Variants in ACOT13 observed in about 807,000 individuals in gnomAD.
ACOT13 encodes the protein acyl-coenzyme A thioesterase 13.
ACOT13 carries 10 observed loss-of-function variants against 11.8 expected under a neutral mutation model. That is an observed-to-expected ratio of 0.85 (90% CI 0.53 to 1.44). The LOEUF is 1.44. Ranked by LOEUF, ACOT13 falls within the 40% of genes most tolerant of loss-of-function variation. The pLI is 0.00. For synonymous variants in ACOT13, 53 were observed against 61.0 expected (o/e 0.87, Z 0.61); for missense variants, 172 against 174.1 (o/e 0.99, Z 0.07).
intron 2 of ACOT13, among the ~76,000 whole-genome samples, chr6:24,700,497 G>A (rs1052976438): frequency 7.7e-5 from 11 of 143,414 alleles, no homozygotes; most frequent in Non-Finnish European, 1.2e-4. Context: ...GTCCAGTGGC[G>A]CGATCTCGGC....
intron 1 of ACOT13, among the ~76,000 whole-genome samples, chr6:24,678,331 A>G (rs1582436257): frequency 6.6e-6 from 1 of 152,278 alleles, no homozygotes; most frequent in Admixed American, 6.5e-5. Flanking sequence ...GGTATAGAGG[A>G]AGAACAGCCT....
intron 1 of ACOT13, among the ~76,000 whole-genome samples, chr6:24,680,999 C>T (rs374798628): frequency 6.6e-6 from 1 of 152,130 alleles, no homozygotes; most frequent in Non-Finnish European, 1.5e-5. Context: ...AACCATCTAT[C>T]GTCCTGTCCT....
In ACOT13 at chr6:24,704,016, G is replaced by A. The variant is rs1400172645; in HGVS notation, c.*2401G>A. Reference sequence around the variant, plus strand: ...GAGAACAACTAAATTCAATGATCCTGTACTCTAGAGGGGGGGATCTAAAAC... The same window carrying A: ...GAGAACAACTAAATTCAATGATCCTATACTCTAGAGGGGGGGATCTAAAAC... On this transcript the variant is annotated 3_prime_UTR_variant, in exon 3 of 3. Coordinates refer to ENST00000230048, the MANE Select transcript of ACOT13 (RefSeq NM_018473.4). 1 of 152,166 alleles carries A rather than the reference G, an allele frequency of 6.6e-6. No individual in the cohort carries two copies. The highest frequency in any genetic ancestry group is 1.5e-5 in the Non-Finnish European group (1 of 68,032). The allele number at this position is 152,166 out of a possible 1,614,324, so 9.4% of individuals were successfully genotyped here.
intron 2 of ACOT13, among the ~76,000 whole-genome samples, chr6:24,699,666 G>A (rs1778862339): frequency 6.6e-6 from 1 of 152,178 alleles, no homozygotes; most frequent in African/African-American, 2.4e-5. Flanking sequence ...GAAAAGAAAG[G>A]CTCTGCTTAT....
intron 1 of ACOT13, among the ~76,000 whole-genome samples, chr6:24,674,875 T>TC (rs1195097410): frequency 1.5e-5 from 1 of 68,070 alleles, no homozygotes; most frequent in Non-Finnish European, 2.8e-5. Flanking sequence ...ATGCTATCCC[T>TC]CCCCCCTCCC....
chr6:24,681,118 A>G (rs889383000), intron 1 of ACOT13, among the ~76,000 whole-genome samples: 1 of 152,242 alleles, frequency 6.6e-6, no homozygotes, highest in African/African-American at 2.4e-5. Flanking sequence ...TTGGAGTTAC[A>G]TTACCCTTTT....
rs943438317 is a variant in ACOT13 at position 24,672,940 on chromosome 6, T to C, written c.81+5596T>C. 3.3e-5 allele frequency among the ~76,000 whole-genome samples: 5 copies of C among 152,324 alleles called. 1 individual carries two copies. The highest frequency in any genetic ancestry group is 4.1e-4 in the South Asian group (2 of 4,822). On this transcript the variant is annotated intron_variant, in intron 1 of 2. Coordinates refer to ENST00000230048, the MANE Select transcript of ACOT13 (RefSeq NM_018473.4). ...ATCTCAGGAATGCAGTTTATTTTGA[T>C]TGGCGTCTTCTACGGGGCCTGAAGA...
intron 2 of ACOT13, chr6:24,701,013 T>C (rs1442547446): frequency 6.6e-6 from 1 of 152,374 alleles, no homozygotes; most frequent in South Asian, 2.1e-4. Context: ...CAGTCCATCA[T>C]CAAGATTGTA....
rs1313332472 is a variant in ACOT13, at chr6:24,697,878, C to T, written c.82-5C>T. ...AATGTTCAGGATTCTTTTTTTTACA[C>T]TTAGATTACTCTTGTCTCTGCTGCT... On this transcript the variant is annotated splice_polypyrimidine_tract_variant and splice_region_variant and intron_variant, in intron 1 of 2. Transcript: ENST00000230048. 1 of 1,584,768 alleles carries T rather than the reference C, an allele frequency of 6.3e-7. No individual in the cohort carries two copies. The highest frequency in any genetic ancestry group is 1.4e-5 in the African/African-American group (1 of 73,040).
chr6:24,683,256 A>T (rs1159655196), intron 1 of ACOT13, among the ~76,000 whole-genome samples: 1 of 152,194 alleles, frequency 6.6e-6, no homozygotes, highest in African/African-American at 2.4e-5. Context: ...TTTATTTTGC[A>T]GTTGGGCCCG....
At chr6:24,678,219 G>C (rs56056726) in intron 1 of ACOT13, among the ~76,000 whole-genome samples, 22,314 of 152,172 alleles carry the variant, frequency 0.15, 1,842 homozygotes, top group Non-Finnish European at 0.19. Flanking sequence ...GAGTCAGGGT[G>C]TACAGGGATG....
chr6:24,680,962 G>T (rs948137479), intron 1 of ACOT13, among the ~76,000 whole-genome samples: 6 of 152,112 alleles, frequency 3.9e-5, no homozygotes, highest in Non-Finnish European at 8.8e-5. Flanking sequence ...TACCTATTGT[G>T]GTTTTTTCCC....
At chr6:24,683,265 C>T (rs546652455) in intron 1 of ACOT13, among the ~76,000 whole-genome samples, 34 of 152,178 alleles carry the variant, frequency 2.2e-4, no homozygotes, top group Non-Finnish European at 4.4e-4. Flanking sequence ...CAGTTGGGCC[C>T]GGTGGCTCAC....
chr6:24,694,466 T>C (rs1364896653), intron 1 of ACOT13, among the ~76,000 whole-genome samples: 1 of 152,206 alleles, frequency 6.6e-6, no homozygotes, highest in Admixed American at 6.5e-5. Context: ...ACTTCAAACA[T>C]TGGCAGCACT....
chr6:24,673,230 A>T (rs562313487), intron 1 of ACOT13, among the ~76,000 whole-genome samples: 1 of 152,206 alleles, frequency 6.6e-6, no homozygotes, highest in Non-Finnish European at 1.5e-5. Flanking sequence ...TGCACAGAAC[A>T]TGATGTTGGA....
chr6:24,697,584 T>C (rs1778815232), intron 1 of ACOT13, among the ~76,000 whole-genome samples: 1 of 152,208 alleles, frequency 6.6e-6, no homozygotes, highest in Non-Finnish European at 1.5e-5. Context: ...GCGTCGAAGT[T>C]CCAATGAGAC....
At chr6:24,695,129 C>T (rs1351534376) in intron 1 of ACOT13, among the ~76,000 whole-genome samples, 2 of 151,960 alleles carry the variant, frequency 1.3e-5, no homozygotes, top group African/African-American at 4.8e-5. Flanking sequence ...GCTAACATGG[C>T]AAAACCCCAT....
chr6:24,685,528 A>G (rs1213663502), intron 1 of ACOT13, among the ~76,000 whole-genome samples: 1 of 151,258 alleles, frequency 6.6e-6, no homozygotes, highest in Non-Finnish European at 1.5e-5. Flanking sequence ...TTGTATTTTT[A>G]GTAGAGACAG....
intron 1 of ACOT13, among the ~76,000 whole-genome samples, chr6:24,682,300 G>A (rs150178699): frequency 0.033 from 4,999 of 152,226 alleles, 246 homozygotes; most frequent in African/African-American, 0.11. Flanking sequence ...AAATGTTACC[G>A]GGGGTCCTTG....
Sources: gnomAD v4.1 joint callset for allele counts (sites outside exome capture counted in the v4.1 genomes callset) on GRCh38, gnomAD v4.1.1 for gene constraint, MANE v1.5 for transcripts, NCBI Gene and HGNC (gene_info 2026-07-23, HGNC 2026-07-21) for gene names.